The following FBN3 variants were observed in gnomAD, a reference collection of about 807,000 sequenced individuals.
The protein encoded by FBN3 is fibrillin-3.
In FBN3, 234 loss-of-function variants were observed where a neutral mutation model predicts 330.1. The ratio of observed to expected loss-of-function variants is 0.71; its 90% CI spans 0.64 to 0.79. FBN3 has a LOEUF of 0.79. Ranked by LOEUF, FBN3 falls within the 30% of genes least tolerant of loss-of-function variation. The pLI, the probability that FBN3 is intolerant of heterozygous loss-of-function variation, is 0.00. For synonymous variants in FBN3, 1,458 were observed against 1,517.3 expected (o/e 0.96, Z 0.91); for missense variants, 3,606 against 3,886.9 (o/e 0.93, Z 1.92).
Position 8,111,108 on chromosome 19 carries a change from C to T in FBN3, c.4160G>A (p.Cys1387Tyr), listed in dbSNP as rs1295539025. The T allele has an allele frequency of 3.1e-6, 5 of 1,613,682 alleles. No homozygotes were observed. In the South Asian group the frequency reaches 5.5e-5, roughly 18 times the overall value. The change falls in exon 33 of 64, where the codon TGT (cysteine) becomes TAT (tyrosine). Residue 1387 changes from cysteine to tyrosine, a missense_variant. Transcript: ENST00000600128. ...GGGGTCAAAGCCCATCTCACATTCACAGCGGTACCCGCCGGGCGCATTGAG... is the reference window on the plus strand; with the variant it reads ...GGGGTCAAAGCCCATCTCACATTCATAGCGGTACCCGCCGGGCGCATTGAG... ...QCLNAPGGYR[C>Y]ECEMGFDPTE...
chr19:8,115,662 G>A, intron 29 of FBN3, 22 bp from the exon 30 acceptor site: 1 of 1,613,210 alleles, frequency 6.2e-7, no homozygotes, highest in East Asian at 2.2e-5. Flanking sequence ...GAGAGCATGA[G>A]GTCTGAGGAC....
intron 37 of FBN3, 79 bp from the exon 38 acceptor site, chr19:8,106,312 G>A: frequency 2.0e-6 from 3 of 1,501,700 alleles, no homozygotes; most frequent in East Asian, 4.5e-5. Flanking sequence ...CATGCTCTGG[G>A]TTCTCCAGGG....
At chr19:8,098,979 T>C (rs1441911421) in intron 41 of FBN3, among the ~76,000 whole-genome samples, 1 of 152,172 alleles carries the variant, frequency 6.6e-6, no homozygotes, top group East Asian at 1.9e-4. Context: ...GAAACACTTT[T>C]AGGCAGGGCA....
chr19:8,127,551 C>T (rs1466505536), intron 18 of FBN3, among the ~76,000 whole-genome samples: 1 of 152,234 alleles, frequency 6.6e-6, no homozygotes, highest in African/African-American at 2.4e-5. Context: ...CTCAGTCCCA[C>T]AAGACTGTCT....
At chr19:8,135,936 G>GGTCCACCC in intron 13 of FBN3, 25 bp downstream of exon 13, 1 of 668,778 alleles carries the variant, frequency 1.5e-6, no homozygotes, top group Non-Finnish European at 2.4e-6. Context: ...GGAAGCCCCT[G>GGTCCACCC]CCCACCCGCC....
At chr19:8,082,795 G>GTT (rs34853923) in intron 57 of FBN3, among the ~76,000 whole-genome samples, 1 of 147,808 alleles carries the variant, frequency 6.8e-6, no homozygotes, top group South Asian at 2.1e-4. Flanking sequence ...TGCCTGGCCT[G>GTT]TTTTTTTTTT....
At chr19:8,084,606 G>A (rs113019969) in intron 56 of FBN3, among the ~76,000 whole-genome samples, 8,660 of 151,756 alleles carry the variant, frequency 0.057, 838 homozygotes, top group African/African-American at 0.2. Flanking sequence ...TATTTTTTTG[G>A]GACAGAGTTT....
chr19:8,066,374 A>G, intron 63 of FBN3, 114 bp from the exon 64 acceptor site: 1 of 768,620 alleles, frequency 1.3e-6, no homozygotes, highest in Non-Finnish European at 2.1e-6. Context: ...TCTAAAGTGA[A>G]GGAAAGAGCC....
intron 54 of FBN3, 125 bp downstream of exon 54, chr19:8,086,952 C>T (rs756672913): frequency 3.5e-5 from 43 of 1,211,832 alleles, no homozygotes; most frequent in Middle Eastern, 4.2e-4. Context: ...GCGATCCTCT[C>T]GCCTCAGCCT....
Position 8,133,028 on chromosome 19 carries a change from C to T in FBN3, c.1670G>A (p.Cys557Tyr). The change falls in exon 14 of 64, where the codon TGC becomes TAC. Residue 557 changes from cysteine (C) to tyrosine (Y), a missense_variant. Physicochemically the swap from Cys to Tyr is radical, Grantham distance 194. Transcript: ENST00000600128. ...AGGCGCCAGCAGGAAGCCGGGTTTG[C>T]AGAGGCAGGAGAAGCTGCCATCCTC... ...LNEDGSFSCLCKPGFLLAPGG... is the reference protein window; with the variant it reads ...LNEDGSFSCLYKPGFLLAPGG... 1 of 1,584,420 alleles carries T rather than the reference C, an allele frequency of 6.3e-7. No homozygotes were observed. The highest frequency in any genetic ancestry group is 8.6e-7 in the Non-Finnish European group (1 of 1,167,286).
At position 8,147,190 on chromosome 19, in the gene FBN3, C is replaced by CG. The variant is rs1568465801; in HGVS notation, c.168-5dup. 6.4e-7 allele frequency: 1 copy of CG among 1,564,842 alleles called. No homozygotes were observed. Among genetic ancestry groups the CG allele is most frequent in the East Asian group, 2.4e-5 (1 of 42,190 alleles). On this transcript the variant is annotated splice_polypyrimidine_tract_variant and splice_region_variant and intron_variant, in intron 2 of 63. Coordinates refer to ENST00000600128, the MANE Select transcript of FBN3 (RefSeq NM_032447.5). ...CCGGGAGCCGCACACATTCGGCCTT[C>CG]GGGGACAGCGAGATGGGTCTGGTGA...
intron 53 of FBN3, among the ~76,000 whole-genome samples, chr19:8,087,590 A>G (rs1450793041): frequency 7.1e-6 from 1 of 141,138 alleles, no homozygotes; most frequent in Non-Finnish European, 1.5e-5. Context: ...TTCTGTGTGC[A>G]TTGCAGGATT....
chr19:8,075,190 T>C lies in FBN3; in HGVS notation c.7583A>G (p.Asp2528Gly). The C allele has an allele frequency of 1.3e-6, 2 of 1,569,710 alleles. No homozygotes were observed. The highest frequency in any genetic ancestry group is 1.7e-6 in the Non-Finnish European group (2 of 1,154,266). ...TLVSSGHGCE[D>G]VNECDGPHRC... ...GTGGGGCCCATCACATTCATTCACA[T>C]CTGAGACATAGAGAGAGGGAGAGAG... The change falls in exon 61 of 64, where the codon GAT becomes GGT. Residue 2528 changes from aspartate (D) to glycine (G), a missense_variant and splice_region_variant. Physicochemically the swap from Asp to Gly is moderately conservative, Grantham distance 94. Coordinates refer to ENST00000600128, the MANE Select transcript of FBN3 (RefSeq NM_032447.5).
rs150683901 is a variant in FBN3, at chr19:8,066,194, G to A, written c.8155C>T (p.Arg2719Trp). 43 of 1,609,752 alleles carry A rather than the reference G, an allele frequency of 2.7e-5. No homozygotes were observed. Among genetic ancestry groups the A allele is most frequent in the African/African-American group, 2.0e-4 (15 of 74,806 alleles). Residue 2719 changes from arginine to tryptophan, a missense_variant, in exon 64 of 64, where the codon CGG becomes TGG. By Grantham distance (101) the Arg-to-Trp change is moderately radical. Coordinates refer to ENST00000600128, the MANE Select transcript of FBN3 (RefSeq NM_032447.5). The stretch of plus-strand genomic sequence containing the variant: ...CGGAGCTCCAGGATGCGCTCGGCCC[G>A]GCCCAGGTGTGAGAGGTTCAGGCCC... ...TLGLNLSHLG[R>W]AERILELRPA...
intron 25 of FBN3, 150 bp from the exon 26 acceptor site, chr19:8,119,172 G>A (rs1281006147): frequency 2.3e-6 from 2 of 867,476 alleles, no homozygotes; most frequent in African/African-American, 1.7e-5. Context: ...GGGTTGGGAT[G>A]ACCCAGGGGA....
At chr19:8,115,821 C>T (rs908441634) in intron 29 of FBN3, among the ~76,000 whole-genome samples, 181 bp from the exon 30 acceptor site, 2 of 151,532 alleles carry the variant, frequency 1.3e-5, no homozygotes, top group African/African-American at 4.8e-5. Context: ...CACTACTGGG[C>T]AATTGGGAAT....
intron 13 of FBN3, 26 bp downstream of exon 13, chr19:8,135,935 T>TTGGGGGGGGGGGGGGGGGGCGG: frequency 8.9e-6 from 12 of 1,344,154 alleles, no homozygotes; most frequent in African/African-American, 1.5e-5. Context: ...CGGAAGCCCC[T>TTGGGGGGGGGGGGGGGGGGCGG]GCCCACCCGC....
chr19:8,118,842 C>G, intron 26 of FBN3, 55 bp downstream of exon 26: 1 of 1,573,056 alleles, frequency 6.4e-7, no homozygotes, highest in Non-Finnish European at 8.7e-7. Flanking sequence ...GACATCCACT[C>G]ACTTTCACAC....
chr19:8,102,893 G>A lies in FBN3; in HGVS notation c.4940-20C>T. The stretch of plus-strand genomic sequence containing the variant: ...TCATATCTGTAGTTGGCACAAAGGA[G>A]AAGAATGTGGGTAAGGGTCACCTAA... On this transcript the variant is annotated intron_variant, in intron 39 of 63. Transcript: ENST00000600128. 1 of 1,613,412 alleles carries A rather than the reference G, an allele frequency of 6.2e-7. No individual in the cohort carries two copies. The highest frequency in any genetic ancestry group is 8.5e-7 in the Non-Finnish European group (1 of 1,179,372).
Sources: allele counts gnomAD v4.1 joint callset (sites outside exome capture counted in the v4.1 genomes callset), GRCh38; gene constraint gnomAD v4.1.1; transcripts MANE v1.5; gene names NCBI Gene and HGNC (gene_info 2026-07-23, HGNC 2026-07-21).